ARHGAP39: variants seen among roughly 807,000 people sequenced by gnomAD.
ARHGAP39 encodes the protein Rho GTPase activating protein 39.
ARHGAP39 carries 44 observed loss-of-function variants against 106.9 expected under a neutral mutation model. The observed-to-expected ratio is 0.41, with a 90% confidence interval of 0.32 to 0.53. The LOEUF (loss-of-function observed/expected upper bound fraction) is 0.53. Among genes scored for constraint, ARHGAP39 ranks in the 20% least tolerant of loss-of-function variants. ARHGAP39 has a pLI of 0.21. For missense variants in ARHGAP39, 1,496 were observed against 1,577.3 expected (o/e 0.95, Z 0.87); for synonymous variants, 768 against 693.2 (o/e 1.11, Z -1.69).
rs1461018037 is a variant in ARHGAP39, at chr8:144,670,788, C to T, written c.-82+14898G>A. On this transcript the variant is annotated intron_variant, in intron 1 of 11. Coordinates refer to ENST00000377307, the MANE Select transcript of ARHGAP39 (RefSeq NM_025251.3). This position sits in a 1 kb window ranked among gnomAD's most constrained non-coding sequence, Gnocchi z 4.4. ...TCATCCCCGTCCTTCAGACCACACA[C>T]CGCAGCTGCCAACTGTGTGTATCTG... Among the ~76,000 whole-genome samples, 4 of 152,214 alleles carry T rather than the reference C, an allele frequency of 2.6e-5. No homozygotes were observed. The highest frequency in any genetic ancestry group is 1.9e-4 in the East Asian group (1 of 5,200).
At chr8:144,663,696 C>A (rs558744900) in intron 1 of ARHGAP39, among the ~76,000 whole-genome samples, 31 of 152,240 alleles carry the variant, frequency 2.0e-4, no homozygotes, top group African/African-American at 7.2e-4. Context: ...TCAGGCAGGC[C>A]CTTCATCTCT....
intron 1 of ARHGAP39, among the ~76,000 whole-genome samples, chr8:144,664,583 A>G (rs1451939185): frequency 6.6e-6 from 1 of 152,190 alleles, no homozygotes; most frequent in Non-Finnish European, 1.5e-5. Flanking sequence ...GTACTCCCAG[A>G]ATTCCCACAT....
At chr8:144,616,752 G>A (rs920476284) in intron 1 of ARHGAP39, among the ~76,000 whole-genome samples, 6 of 152,248 alleles carry the variant, frequency 3.9e-5, no homozygotes, top group Non-Finnish European at 5.9e-5. Context: ...GAAGGACGGC[G>A]AGTGCCAGTG....
At chr8:144,567,505 G>A (rs776685167) in intron 3 of ARHGAP39, among the ~76,000 whole-genome samples, 1 of 152,168 alleles carries the variant, frequency 6.6e-6, no homozygotes, top group Admixed American at 6.5e-5. Context: ...CCTTTCCCGG[G>A]GGGAGTTTAG....
At chr8:144,549,551 G>C (rs111947741) in intron 4 of ARHGAP39, among the ~76,000 whole-genome samples, 7,147 of 152,052 alleles carry the variant, frequency 0.047, 560 homozygotes, top group African/African-American at 0.16. Flanking sequence ...GGAGTATAGC[G>C]GCACGGTCTT....
intron 1 of ARHGAP39, among the ~76,000 whole-genome samples, chr8:144,658,948 G>A (rs568083382): frequency 3.3e-5 from 5 of 152,098 alleles, no homozygotes; most frequent in Admixed American, 6.6e-5. Flanking sequence ...ACAAAGTACT[G>A]ATGAAAGACA....
intron 1 of ARHGAP39, among the ~76,000 whole-genome samples, chr8:144,618,496 A>G (rs1820696898): frequency 6.6e-6 from 1 of 152,248 alleles, no homozygotes. Flanking sequence ...GAGGCTGTCC[A>G]CCAGAATGCT....
chr8:144,627,858 C>T (rs1820964789), intron 1 of ARHGAP39, among the ~76,000 whole-genome samples: 1 of 152,254 alleles, frequency 6.6e-6, no homozygotes, highest in Admixed American at 6.5e-5. Flanking sequence ...CCCTTGCCCT[C>T]CCAGTCACAG....
At position 144,562,384 on chromosome 8, in the gene ARHGAP39, G is replaced by A. The variant is rs570689845; in HGVS notation, c.513-6741C>T. Among the ~76,000 whole-genome samples the A allele has an allele frequency of 7.1e-3, 1,030 of 145,734 alleles. 21 individuals are homozygous for A. Among genetic ancestry groups the A allele is most frequent in the African/African-American group, 0.022 (855 of 38,696 alleles). ...CCATCGGACCCCAGTGGTTTCCATC[G>A]CGCTCCAGTGGTTTCCATCGCGCTC... On this transcript the variant is annotated intron_variant, in intron 3 of 11. Transcript: ENST00000377307.
At chr8:144,669,506 C>CAAAAAAAAAAAAAAAAAAAAAA (rs55678140) in intron 1 of ARHGAP39, among the ~76,000 whole-genome samples, 2 of 59,742 alleles carry the variant, frequency 3.3e-5, no homozygotes, top group Admixed American at 2.0e-4. Context: ...GACTCGGTCT[C>CAAAAAAAAAAAAAAAAAAAAAA]AAAAAAAAAA....
chr8:144,583,096 C>T (rs764625354), intron 2 of ARHGAP39, among the ~76,000 whole-genome samples: 1 of 152,132 alleles, frequency 6.6e-6, no homozygotes, highest in Non-Finnish European at 1.5e-5. Context: ...CGCTCTGGTC[C>T]GTGCTTTCCC....
the ARHGAP39 span, among the ~76,000 whole-genome samples, chr8:144,691,239 G>A: frequency 2.6e-5 from 4 of 152,174 alleles, no homozygotes; most frequent in African/African-American, 9.7e-5. Flanking sequence ...ACAGCTGCTT[G>A]GAGCCCTTTC....
rs1470642961 is a variant in ARHGAP39 at position 144,537,701 on chromosome 8, G to GC, written c.2614+19dup. 6.2e-7 allele frequency: 1 copy of GC among 1,610,494 alleles called. No homozygotes were observed. Among genetic ancestry groups the GC allele is most frequent in the African/African-American group, 1.3e-5 (1 of 74,816 alleles). ...AGCTGTGCAGACGCCGCGCCCAGGG[G>GC]CTGCGGGGAGAGGCCCTACCATCCG... On this transcript the variant is annotated intron_variant, in intron 7 of 11. Transcript: ENST00000377307.
intron 1 of ARHGAP39, chr8:144,605,932 T>TC (rs911503818): frequency 3.4e-5 from 13 of 387,112 alleles, no homozygotes; most frequent in African/African-American, 4.1e-5. Context: ...CCAGCCAGGA[T>TC]CCCCCCCATG....
Position 144,545,421 on chromosome 8 carries a change from C to T in ARHGAP39, c.2349G>A (p.Glu783=). ...KGWSVQGLRD[E]LYIQLCRQTT... ...TCTGCCGGCACAGCTGGATGTAGAG[C>T]TCGTCCCGCAGGCCCTGCACGCTCC... The change falls in exon 6 of 12, where the codon GAG becomes GAA. Residue 783 remains glutamate, a synonymous_variant. Transcript: ENST00000377307. 2.5e-6 allele frequency: 4 copies of T among 1,587,864 alleles called. No individual in the cohort carries two copies. The highest frequency in any genetic ancestry group is 8.6e-7 in the Non-Finnish European group (1 of 1,163,838).
intron 1 of ARHGAP39, among the ~76,000 whole-genome samples, chr8:144,650,208 C>T (rs370473164): frequency 6.6e-6 from 1 of 151,990 alleles, no homozygotes; most frequent in East Asian, 1.9e-4. Flanking sequence ...CAGGAAGAAA[C>T]TGATTCCCTA....
rs946163356 is a variant in ARHGAP39, at chr8:144,671,143, T to C, written c.-82+14543A>G. On this transcript the variant is annotated intron_variant, in intron 1 of 11. Transcript: ENST00000377307. The surrounding 1 kb of genome is among the most constrained non-coding windows in gnomAD (Gnocchi z 4.5). ...TAAATCCTAATGTCAGTTCTCTCTG[T>C]GGAATGAGGCCTATGTTGGGTGTCT... 3.9e-5 allele frequency among the ~76,000 whole-genome samples: 6 copies of C among 151,956 alleles called. No individual in the cohort carries two copies. Among genetic ancestry groups the C allele is most frequent in the Non-Finnish European group, 7.3e-5 (5 of 68,042 alleles).
chr8:144,667,035 C>T (rs569423543), intron 1 of ARHGAP39, among the ~76,000 whole-genome samples: 1 of 152,294 alleles, frequency 6.6e-6, no homozygotes, highest in Admixed American at 6.5e-5. Context: ...TTAATTTTTC[C>T]ATAAAACCAT....
chr8:144,608,172 A>G (rs1393267817), intron 1 of ARHGAP39, among the ~76,000 whole-genome samples: 3 of 119,846 alleles, frequency 2.5e-5, no homozygotes, highest in Non-Finnish European at 5.7e-5. Context: ...AAAAAAAAAA[A>G]AAAAAAAAAG....
Sources: allele counts gnomAD v4.1 joint callset (sites outside exome capture counted in the v4.1 genomes callset), GRCh38; gene constraint gnomAD v4.1.1; non-coding constraint Gnocchi (gnomAD v3.1); transcripts MANE v1.5; gene names NCBI Gene and HGNC (gene_info 2026-07-23, HGNC 2026-07-21).